STXBP5L: variants seen among roughly 807,000 people sequenced by gnomAD.
STXBP5L encodes syntaxin-binding protein 5-like.
In STXBP5L, 65 loss-of-function variants were observed where a neutral mutation model predicts 144.5. That is an observed-to-expected ratio of 0.45 (90% confidence interval 0.37 to 0.55). The LOEUF (loss-of-function observed/expected upper bound fraction) is 0.55, where lower values mean the gene tolerates loss of function less well. Among genes scored for constraint, STXBP5L ranks in the 20% least tolerant of loss-of-function variants. STXBP5L has a pLI of 0.00. For synonymous variants in STXBP5L, 505 were observed against 469.6 expected (o/e 1.08, Z -0.97); for missense variants, 1,298 against 1,405.5 (o/e 0.92, Z 1.22).
chr3:121,355,987 G>A (rs1022426435), intron 20 of STXBP5L, among the ~76,000 whole-genome samples: 2 of 152,206 alleles, frequency 1.3e-5, no homozygotes, highest in East Asian at 1.9e-4. Context: ...AGGCCCACTC[G>A]AGACCCTGTT....
At chr3:121,172,475 A>G (rs2046762234) in intron 9 of STXBP5L, among the ~76,000 whole-genome samples, 1 of 152,214 alleles carries the variant, frequency 6.6e-6, no homozygotes, top group Non-Finnish European at 1.5e-5. Context: ...CAAGGAACTT[A>G]ACAAGTTTAC....
chr3:121,290,870 C>T (rs750848996), intron 19 of STXBP5L, among the ~76,000 whole-genome samples: 9 of 152,054 alleles, frequency 5.9e-5, no homozygotes, highest in Non-Finnish European at 1.2e-4. Flanking sequence ...TTAAAACCCT[C>T]GGCAAAATCA....
chr3:121,013,038 T>A (rs1255185410), intron 3 of STXBP5L, among the ~76,000 whole-genome samples: 1 of 145,822 alleles, frequency 6.9e-6, no homozygotes, highest in Non-Finnish European at 1.5e-5. Context: ...TCTTTTTTTT[T>A]ATGGCTTCAT....
At chr3:121,070,096 C>T (rs2041738443) in intron 5 of STXBP5L, among the ~76,000 whole-genome samples, 1 of 152,164 alleles carries the variant, frequency 6.6e-6, no homozygotes, top group African/African-American at 2.4e-5. Context: ...GAAAAAGGTT[C>T]AGGAAAGTTT....
At chr3:121,153,966 C>G (rs970243740) in intron 8 of STXBP5L, among the ~76,000 whole-genome samples, 1 of 151,762 alleles carries the variant, frequency 6.6e-6, no homozygotes, top group African/African-American at 2.4e-5. Flanking sequence ...AATAAGAATA[C>G]AAACACCATG....
At chr3:121,268,733 T>G (rs2050650590) in intron 18 of STXBP5L, among the ~76,000 whole-genome samples, 1 of 150,060 alleles carries the variant, frequency 6.7e-6, no homozygotes, top group African/African-American at 2.5e-5. Context: ...GAATTTTCTA[T>G]TTTTTTTTCA....
intron 2 of STXBP5L, among the ~76,000 whole-genome samples, chr3:120,940,888 C>A (rs1250707250): frequency 6.6e-6 from 1 of 151,104 alleles, no homozygotes; most frequent in Non-Finnish European, 1.5e-5. Context: ...TGATGTGTTT[C>A]TTTGAAGGTA....
At chr3:121,106,006 G>A (rs1304931582) in intron 5 of STXBP5L, among the ~76,000 whole-genome samples, 1 of 152,110 alleles carries the variant, frequency 6.6e-6, no homozygotes, top group Non-Finnish European at 1.5e-5. Flanking sequence ...ATTTTTCAAA[G>A]TGAGAAAAAT....
chr3:121,000,054 A>G (rs1348469246), intron 3 of STXBP5L, among the ~76,000 whole-genome samples: 3 of 151,926 alleles, frequency 2.0e-5, no homozygotes, highest in East Asian at 1.9e-4. Context: ...TGTCCTTCAC[A>G]TTGAGCTTGG....
chr3:121,093,406 C>G (rs533452264), intron 5 of STXBP5L, among the ~76,000 whole-genome samples: 6 of 152,072 alleles, frequency 3.9e-5, no homozygotes, highest in Non-Finnish European at 8.8e-5. Context: ...TGGTCCTGGA[C>G]TCTTTTTGGT....
intron 5 of STXBP5L, among the ~76,000 whole-genome samples, chr3:121,050,477 C>G (rs1339440620): frequency 6.6e-6 from 1 of 152,068 alleles, no homozygotes; most frequent in Non-Finnish European, 1.5e-5. Flanking sequence ...TCATATCCAG[C>G]CAAACTAAGC....
At chr3:120,976,844 G>T (rs1421498454) in intron 3 of STXBP5L, among the ~76,000 whole-genome samples, 1 of 152,092 alleles carries the variant, frequency 6.6e-6, no homozygotes, top group African/African-American at 2.4e-5. Flanking sequence ...TTTCCATGTA[G>T]TTGAGCGGTT....
chr3:120,989,225 A>G (rs796338961), intron 3 of STXBP5L, among the ~76,000 whole-genome samples: 2 of 151,856 alleles, frequency 1.3e-5, no homozygotes, highest in African/African-American at 4.8e-5. Flanking sequence ...TTTCCATAGA[A>G]GTTGTGCAAA....
chr3:121,319,473 G>C (rs148253559), intron 20 of STXBP5L, among the ~76,000 whole-genome samples: 13 of 152,188 alleles, frequency 8.5e-5, no homozygotes, highest in Non-Finnish European at 1.9e-4. Context: ...TCTAGGCTAT[G>C]TATAATCTAG....
intron 3 of STXBP5L, among the ~76,000 whole-genome samples, chr3:121,003,334 T>G (rs1019590626): frequency 2.8e-4 from 42 of 152,324 alleles, no homozygotes; most frequent in African/African-American, 8.9e-4. Context: ...TCATGTGTCT[T>G]TTGGCTGCAT....
At chr3:121,121,459 A>G (rs1435943393) in intron 6 of STXBP5L, among the ~76,000 whole-genome samples, 182 bp from the exon 7 acceptor site, 3 of 151,368 alleles carry the variant, frequency 2.0e-5, no homozygotes, top group Admixed American at 2.0e-4. Flanking sequence ...AGTAGTTTGC[A>G]ATTAGTAAAC....
intron 5 of STXBP5L, 80 bp from the exon 6 acceptor site, chr3:121,114,845 T>C (rs2044161655): frequency 1.0e-6 from 1 of 964,492 alleles, no homozygotes; most frequent in Admixed American, 3.4e-5. Context: ...TAGCTATCAC[T>C]ACATAATACA....
chr3:120,976,090 C>T (rs935387839), intron 3 of STXBP5L, among the ~76,000 whole-genome samples: 3 of 152,010 alleles, frequency 2.0e-5, no homozygotes, highest in African/African-American at 7.3e-5. Context: ...TCCTCTTTTT[C>T]TATTGATTGG....
chr3:121,151,720 T>C (rs995812247), intron 7 of STXBP5L, among the ~76,000 whole-genome samples: 1 of 151,572 alleles, frequency 6.6e-6, no homozygotes, highest in Admixed American at 6.6e-5. Flanking sequence ...CTTCCTCTTA[T>C]TTTTTTTCCC....
Sources: allele counts gnomAD v4.1 joint callset (sites outside exome capture counted in the v4.1 genomes callset), GRCh38; gene constraint gnomAD v4.1.1; transcripts MANE v1.5; gene names NCBI Gene and HGNC (gene_info 2026-07-23, HGNC 2026-07-21).